LATS1: variants seen among roughly 807,000 people sequenced by gnomAD.
LATS1 encodes large tumor suppressor kinase 1, also known as serine/threonine-protein kinase LATS1.
In LATS1, 25 loss-of-function variants were observed where a neutral mutation model predicts 106.6. That is an observed-to-expected ratio of 0.23 (90% CI 0.17 to 0.33). The LOEUF (loss-of-function observed/expected upper bound fraction) is 0.33. Ranked by LOEUF, LATS1 falls within the 10% of genes least tolerant of loss-of-function variation. The probability of loss-of-function intolerance (pLI) is 1.00; values close to 1 mark genes in which losing one functional copy is unlikely to be tolerated. For missense variants in LATS1, 1,040 were observed against 1,382.6 expected, an observed-to-expected ratio of 0.75 and a Z score of 3.93; for synonymous variants, 465 against 455.6, an observed-to-expected ratio of 1.02 and a Z score of -0.26.
chr6:149,679,803 T>C, intron 5 of LATS1, 72 bp downstream of exon 5: 2 of 1,121,508 alleles, frequency 1.8e-6, no homozygotes, highest in Non-Finnish European at 2.5e-6. Context: ...GATGATACCA[T>C]CTTATATTTT....
chr6:149,685,697 T>C (rs967841524), intron 3 of LATS1, among the ~76,000 whole-genome samples: 5 of 152,048 alleles, frequency 3.3e-5, no homozygotes, highest in African/African-American at 4.8e-5. Context: ...TTTAATATGG[T>C]TTTTAAAACA....
In LATS1 at chr6:149,684,000, G is replaced by C. The variant is rs545538701; in HGVS notation, c.1089C>G (p.Val363=). The part of the protein sequence containing the change: ...QTDFMIHQNV[V]PAGTVNRQPP... ...GCTGCCGATTCACAGTGCCAGCAGG[G>C]ACAACATTTTGGTGTATCATGAAAT... Residue 363 remains valine, a synonymous_variant, in exon 4 of 8, where the codon GTC becomes GTG. Coordinates refer to ENST00000543571, the MANE Select transcript of LATS1 (RefSeq NM_004690.4). The C allele has an allele frequency of 3.3e-4, 528 of 1,614,082 alleles. 10 individuals are homozygous for C. In the South Asian group the frequency reaches 5.4e-3, roughly 17 times the overall value.
At chr6:149,676,200 T>C (rs1781715135) in intron 7 of LATS1, 60 bp downstream of exon 7, 1 of 1,178,618 alleles carries the variant, frequency 8.5e-7, no homozygotes, top group Non-Finnish European at 1.3e-6. Flanking sequence ...TACTAATAAA[T>C]AAAAGTCAAT....
chr6:149,679,683 A>G (rs1781930148), intron 5 of LATS1, among the ~76,000 whole-genome samples, 192 bp downstream of exon 5: 1 of 152,210 alleles, frequency 6.6e-6, no homozygotes, highest in African/African-American at 2.4e-5. Flanking sequence ...AGTCTAAACA[A>G]TCAAGTCTAG....
Position 149,683,565 on chromosome 6 carries a change from T to C in LATS1, c.1524A>G (p.Leu508=), listed in dbSNP as rs536321747. 9 of 1,614,246 alleles carry C rather than the reference T, an allele frequency of 5.6e-6. No individual in the cohort carries two copies. The highest frequency in any genetic ancestry group is 1.7e-5 in the Admixed American group (1 of 60,028). ...GGTGTGTAGGTGCTAAAGCAGTCTG[T>C]AGCTCTGGTTTTAATACACGCATAC... ...VKSMRVLKPE[L]QTALAPTHPS... Residue 508 remains leucine, a synonymous_variant, in exon 4 of 8, where the codon CTA becomes CTG. Coordinates refer to ENST00000543571, the MANE Select transcript of LATS1 (RefSeq NM_004690.4).
At chr6:149,693,338 G>A (rs941718892) in intron 3 of LATS1, among the ~76,000 whole-genome samples, 4 of 151,286 alleles carry the variant, frequency 2.6e-5, no homozygotes, top group Non-Finnish European at 5.9e-5. Context: ...TAGGCCAGGC[G>A]CGGTGGCTCA....
At position 149,702,196 on chromosome 6, in the gene LATS1, CA is replaced by C. The variant is rs1783503087; in HGVS notation, c.-71del. On this transcript the variant is annotated 5_prime_UTR_variant, in exon 2 of 8. Transcript: ENST00000543571. ...GATAGATCCAGAGCTTTCTTCTGAG[CA>C]AAAGTGAAAATGATCCTTCAAGGAA... 2.9e-6 allele frequency: 3 copies of C among 1,039,198 alleles called. No individual in the cohort carries two copies. In the East Asian group the frequency reaches 7.2e-5, roughly 25 times the overall value. The allele number at this position is 1,039,198 out of a possible 1,614,324, so 64.4% of individuals were successfully genotyped here.
Position 149,683,431 on chromosome 6 carries a change from T to C in LATS1, c.1658A>G (p.Gln553Arg), listed in dbSNP as rs187764871. Residue 553 changes from glutamine (Q) to arginine (R), a missense_variant, in exon 4 of 8, where the codon CAA becomes CGA. Transcript: ENST00000543571. ...MPPVAEAPNY[Q>R]GPPPPYPKHL... is the part of the protein sequence containing the mutation. ...TTTTGGGTAGGGTGGTGGTGGTCCT[T>C]GATAGTTTGGAGCTTCAGCAACAGG... is the stretch of plus-strand genomic sequence containing the variant. 1 of 1,614,138 alleles carries C rather than the reference T, an allele frequency of 6.2e-7. No homozygotes were observed. Among genetic ancestry groups the C allele is most frequent in the South Asian group, 1.1e-5 (1 of 91,088 alleles).
intron 5 of LATS1, among the ~76,000 whole-genome samples, chr6:149,679,666 T>C (rs1781928602): frequency 6.6e-6 from 1 of 152,150 alleles, no homozygotes; most frequent in Admixed American, 6.6e-5. Flanking sequence ...CATTCTTTCA[T>C]TTCATAAGTC....
Position 149,659,354 on chromosome 6 carries a change from G to T in LATS1, c.*2375C>A. 1 of 197,274 alleles carries T rather than the reference G, an allele frequency of 5.1e-6. No homozygotes were observed. The allele number at this position is 197,274 out of a possible 1,614,324, so 12.2% of individuals were successfully genotyped here. A position where few individuals can be genotyped will look rare whatever the true frequency, so the allele number is the denominator to read the frequency against. On this transcript the variant is annotated 3_prime_UTR_variant, in exon 8 of 8. Transcript: ENST00000543571. ...TTGGTGGCGCATGCCCAGCTACTTG[G>T]GAGGCTGAGGCGGGAGGACTGCGTG...
chr6:149,709,333 A>G (rs1351922906), intron 1 of LATS1, among the ~76,000 whole-genome samples: 1 of 152,196 alleles, frequency 6.6e-6, no homozygotes, highest in African/African-American at 2.4e-5. Context: ...ATAGTATCAC[A>G]TGACAGATGG....
chr6:149,683,860 A>G lies in LATS1; in HGVS notation c.1229T>C (p.Met410Thr). The part of the protein sequence containing the change: ...YTNGSIPQSM[M>T]VPNRNSHNME... The stretch of plus-strand genomic sequence containing the variant: ...GTTATGACTATTTCTGTTTGGCACC[A>G]TCATAGACTGAGGAATACTTCCATT... Residue 410 changes from methionine (M) to threonine (T), a missense_variant, in exon 4 of 8, where the codon ATG (methionine) becomes ACG (threonine). By Grantham distance (81) the Met-to-Thr change is moderately conservative (BLOSUM62 -1). Around this residue, in one of 7 missense-constraint regions of LATS1, gnomAD observed 624 missense variants for 714.8 expected, o/e 0.87. Transcript: ENST00000543571. 1.2e-6 allele frequency: 2 copies of G among 1,614,126 alleles called. No homozygotes were observed. The highest frequency in any genetic ancestry group is 1.7e-6 in the Non-Finnish European group (2 of 1,180,016).
rs1780889581 is a variant in LATS1, at chr6:149,661,645, T to C, written c.*84A>G. On this transcript the variant is annotated 3_prime_UTR_variant, in exon 8 of 8. Transcript: ENST00000543571. ...CACACATATATAGCTCTGTCATATT[T>C]GCATAATTTTACTCTCAGAACCTCA... 8.8e-7 allele frequency: 1 copy of C among 1,139,294 alleles called. No individual in the cohort carries two copies. Among genetic ancestry groups the C allele is most frequent in the African/African-American group, 1.6e-5 (1 of 64,324 alleles). The allele number at this position is 1,139,294 out of a possible 1,614,324, so 70.6% of individuals were successfully genotyped here. A position where few individuals can be genotyped will look rare whatever the true frequency, so the allele number is the denominator to read the frequency against.
rs768098542 is a variant in LATS1, at chr6:149,684,281, G to T, written c.808C>A (p.Pro270Thr). 6.2e-7 allele frequency: 1 copy of T among 1,613,926 alleles called. No individual in the cohort carries two copies. Among genetic ancestry groups the T allele is most frequent in the Non-Finnish European group, 8.5e-7 (1 of 1,180,008 alleles). The change falls in exon 4 of 8, where the codon CCA becomes ACA. Residue 270 changes from proline to threonine, a missense_variant. By Grantham distance (38) the Pro-to-Thr change is conservative. Around this residue, in one of 7 missense-constraint regions of LATS1, gnomAD observed 624 missense variants for 714.8 expected, o/e 0.87. Transcript: ENST00000543571. ...GTTPPPPSWE[P>T]NSQTKRYSGN... Reference sequence around the variant, plus strand: ...GAATAGCGCTTTGTTTGAGAGTTTGGTTCCCATGAAGGGGGAGGTGGAGTT... The same window carrying T: ...GAATAGCGCTTTGTTTGAGAGTTTGTTTCCCATGAAGGGGGAGGTGGAGTT...
intron 7 of LATS1, among the ~76,000 whole-genome samples, chr6:149,674,763 A>G (rs1781623010): frequency 6.6e-6 from 1 of 150,804 alleles, no homozygotes; most frequent in Non-Finnish European, 1.5e-5. Context: ...TGTATCTACA[A>G]AAAATACAAA....
intron 1 of LATS1, among the ~76,000 whole-genome samples, chr6:149,706,001 T>C (rs905935693): frequency 4.0e-5 from 6 of 150,912 alleles, no homozygotes; most frequent in Non-Finnish European, 7.4e-5. Flanking sequence ...CTGACCAACA[T>C]GGAGAAACCC....
intron 7 of LATS1, among the ~76,000 whole-genome samples, chr6:149,665,331 C>T (rs1396485121): frequency 6.6e-6 from 1 of 152,102 alleles, no homozygotes; most frequent in Non-Finnish European, 1.5e-5. Flanking sequence ...CACTGCACTC[C>T]AGCCTGGGTG....
At chr6:149,684,881 GA>G (rs1245533932) in intron 3 of LATS1, among the ~76,000 whole-genome samples, 1 of 151,304 alleles carries the variant, frequency 6.6e-6, no homozygotes, top group Non-Finnish European at 1.5e-5. Context: ...AGCAAAAAAA[GA>G]AAAAAAAGAG....
chr6:149,684,063 T>C lies in LATS1; in HGVS notation c.1026A>G (p.Ser342=). ...TACCATTCTGCATTCCAGGTCTCCC[T>C]GATGGAAAGTTAAATTTGCTAGAAC... ...MQSSSKFNFP[S]GRPGMQNGTG... The change falls in exon 4 of 8, where the codon TCA becomes TCG. Residue 342 remains serine, a synonymous_variant. Coordinates refer to ENST00000543571, the MANE Select transcript of LATS1 (RefSeq NM_004690.4). 3 of 1,614,180 alleles carry C rather than the reference T, an allele frequency of 1.9e-6. No individual in the cohort carries two copies. The highest frequency in any genetic ancestry group is 2.7e-5 in the African/African-American group (2 of 75,056).
Sources: allele counts gnomAD v4.1 joint callset (sites outside exome capture counted in the v4.1 genomes callset), GRCh38; gene constraint gnomAD v4.1.1; regional missense constraint gnomAD v4.1.1; transcripts MANE v1.5; gene names NCBI Gene and HGNC (gene_info 2026-07-23, HGNC 2026-07-21).